VIPR2: variants seen among roughly 807,000 people sequenced by gnomAD.
VIPR2 encodes vasoactive intestinal polypeptide receptor 2.
A neutral mutation model predicts 58.0 loss-of-function variants in VIPR2; 48 were observed. The ratio of observed to expected loss-of-function variants is 0.83; its 90% confidence interval spans 0.66 to 1.05. VIPR2 has a LOEUF of 1.05. Among genes scored for constraint, VIPR2 ranks in the 50% least tolerant of loss-of-function variants. The pLI is 0.00. For synonymous variants in VIPR2, 243 were observed against 235.2 expected (o/e 1.03, Z -0.30); for missense variants, 534 against 558.0 (o/e 0.96, Z 0.43).
Position 159,039,644 on chromosome 7 carries a change from A to C in VIPR2, c.598-2742T>G, listed in dbSNP as rs1448338883. 3.0e-5 allele frequency among the ~76,000 whole-genome samples: 4 copies of C among 132,766 alleles called. No homozygotes were observed. The Admixed American group carries it at 3.1e-4, about 10-fold the overall frequency. 87.1% of individuals were successfully genotyped at this position (132,766 alleles called of 152,430 possible). ...ATTAGTGCCCCTGTAAAGGGACCCC[A>C]GCAACATCCCTCGCCCCTTCCACCA... On this transcript the variant is annotated intron_variant, in intron 6 of 12. Coordinates refer to ENST00000262178, the MANE Select transcript of VIPR2 (RefSeq NM_003382.5).
In VIPR2 at chr7:159,095,464, C is replaced by T. The variant is rs1184274127; in HGVS notation, c.357+8293G>A. Among the ~76,000 whole-genome samples, 3 of 152,228 alleles carry T rather than the reference C, an allele frequency of 2.0e-5. No individual in the cohort carries two copies. Among genetic ancestry groups the T allele is most frequent in the African/African-American group, 4.8e-5 (2 of 41,458 alleles). ...GAAAGATACAGCAGAGAGAATGTGA[C>T]AACTGAGTTTCCTCTTTGTACTGAC... is the stretch of plus-strand genomic sequence containing the variant. On this transcript the variant is annotated intron_variant, in intron 4 of 12. Coordinates refer to ENST00000262178, the MANE Select transcript of VIPR2 (RefSeq NM_003382.5). The surrounding 1 kb of genome is among the most constrained non-coding windows in gnomAD (Gnocchi z 5.2).
intron 4 of VIPR2, among the ~76,000 whole-genome samples, chr7:159,060,386 AC>A (rs1855579719): frequency 6.6e-6 from 1 of 150,378 alleles, no homozygotes; most frequent in Admixed American, 6.6e-5. Context: ...TCACCTAACC[AC>A]CATCTCACTT....
At position 159,028,176 on chromosome 7, in the gene VIPR2, G is replaced by C. The variant is rs1853342811; in HGVS notation, c.*2440C>G. The C allele has an allele frequency of 6.6e-6, 1 of 152,362 alleles. No homozygotes were observed. The highest frequency in any genetic ancestry group is 1.5e-5 in the Non-Finnish European group (1 of 68,120). The allele number at this position is 152,362 out of a possible 1,614,324, so 9.4% of individuals were successfully genotyped here. On this transcript the variant is annotated 3_prime_UTR_variant, in exon 13 of 13. Transcript: ENST00000262178. ...GTCAGAGCAAGTTCTTACTCAGCAT[G>C]CAGATGTGAAGTCAGGCTTTATTGA...
intron 2 of VIPR2, among the ~76,000 whole-genome samples, chr7:159,125,890 C>T (rs1351868112): frequency 6.6e-6 from 1 of 152,204 alleles, no homozygotes; most frequent in Non-Finnish European, 1.5e-5. Flanking sequence ...CTCGAAGCCA[C>T]TGCCAGCGTC....
chr7:159,117,551 C>T (rs1318593024), intron 2 of VIPR2: 3 of 639,654 alleles, frequency 4.7e-6, no homozygotes, highest in Non-Finnish European at 8.6e-6. Context: ...TTGTCACCTG[C>T]ACCATGCTTG....
intron 3 of VIPR2, among the ~76,000 whole-genome samples, chr7:159,104,428 C>T (rs1314961303): frequency 6.6e-6 from 1 of 151,370 alleles, no homozygotes; most frequent in Non-Finnish European, 1.5e-5. Flanking sequence ...GCTCCAGTTC[C>T]CGACAGCACC....
At chr7:159,094,839 CAG>C (rs1048419260) in intron 4 of VIPR2, among the ~76,000 whole-genome samples, 1 of 152,140 alleles carries the variant, frequency 6.6e-6, no homozygotes. Flanking sequence ...AGTATAGAAA[CAG>C]AGACATTTGG....
intron 3 of VIPR2, 54 bp from the exon 4 acceptor site, chr7:159,103,908 G>A: frequency 6.7e-7 from 1 of 1,492,658 alleles, no homozygotes; most frequent in Non-Finnish European, 9.3e-7. Flanking sequence ...ACTGGCCTTA[G>A]AAGGGACCTT....
At chr7:159,126,079 T>C (rs67373805) in intron 2 of VIPR2, among the ~76,000 whole-genome samples, 29,300 of 152,134 alleles carry the variant, frequency 0.19, 3,126 homozygotes, top group African/African-American at 0.29. Flanking sequence ...CCCTGTGGAA[T>C]GTGAACTTGG....
intron 1 of VIPR2, chr7:159,144,237 A>G (rs776122032): frequency 3.0e-6 from 4 of 1,318,798 alleles, no homozygotes; most frequent in South Asian, 2.3e-5. Flanking sequence ...GGAAAAAGCA[A>G]CTATTTCCAA....
At chr7:159,053,975 G>A (rs920337417) in intron 5 of VIPR2, among the ~76,000 whole-genome samples, 5 of 152,208 alleles carry the variant, frequency 3.3e-5, no homozygotes, top group Non-Finnish European at 5.9e-5. Context: ...TGGACTCCTA[G>A]GAATAAAGAC....
chr7:159,108,199 C>T (rs1030559520), intron 3 of VIPR2, among the ~76,000 whole-genome samples: 3 of 152,210 alleles, frequency 2.0e-5, no homozygotes, highest in African/African-American at 7.2e-5. Flanking sequence ...GTCTCTGAAG[C>T]CTCAGCTTCT....
intron 4 of VIPR2, among the ~76,000 whole-genome samples, chr7:159,064,392 G>A (rs992224080): frequency 2.0e-5 from 3 of 152,130 alleles, no homozygotes; most frequent in Admixed American, 6.5e-5. Context: ...GGGGAGAGAT[G>A]CAGGAAGGGA....
At chr7:159,119,883 G>A (rs1796389503) in intron 2 of VIPR2, among the ~76,000 whole-genome samples, 1 of 150,980 alleles carries the variant, frequency 6.6e-6, no homozygotes, top group African/African-American at 2.5e-5. Flanking sequence ...GGTAGGTGGG[G>A]TTGGAAGAAA....
intron 3 of VIPR2, among the ~76,000 whole-genome samples, chr7:159,106,366 T>C (rs563454702): frequency 1.2e-3 from 184 of 152,222 alleles, no homozygotes; most frequent in African/African-American, 4.3e-3. Flanking sequence ...AGGAAATGAC[T>C]GAGGTGGCAA....
chr7:159,049,408 G>A (rs1019799917), intron 5 of VIPR2, among the ~76,000 whole-genome samples: 2 of 152,188 alleles, frequency 1.3e-5, no homozygotes, highest in African/African-American at 4.8e-5. Context: ...GAGAAGGCAA[G>A]GGCACTGTGG....
intron 2 of VIPR2, chr7:159,117,426 C>T (rs143716873): frequency 6.4e-5 from 46 of 717,420 alleles, no homozygotes; most frequent in Non-Finnish European, 1.0e-4. Context: ...GACAGGATAA[C>T]AGTGAGCACA....
chr7:159,049,887 C>T (rs919436309), intron 5 of VIPR2, among the ~76,000 whole-genome samples: 5 of 152,170 alleles, frequency 3.3e-5, no homozygotes, highest in Admixed American at 6.5e-5. Context: ...ATGGCCCTGA[C>T]GGCCCAGGCT....
intron 4 of VIPR2, among the ~76,000 whole-genome samples, chr7:159,089,696 T>A (rs984409750): frequency 6.6e-6 from 1 of 151,826 alleles, no homozygotes; most frequent in Admixed American, 6.5e-5. Context: ...TCTCCACTTG[T>A]AAAACAACAA....
Sources: gnomAD v4.1 joint callset for allele counts (sites outside exome capture counted in the v4.1 genomes callset) on GRCh38, gnomAD v4.1.1 for gene constraint, Gnocchi (gnomAD v3.1) non-coding constraint, MANE v1.5 for transcripts, NCBI Gene and HGNC (gene_info 2026-07-23, HGNC 2026-07-21) for gene names.